Variants in STEAP1B observed in about 807,000 individuals in gnomAD.
The protein encoded by STEAP1B is STEAP family protein MGC87042.
A neutral mutation model predicts 27.9 loss-of-function variants in STEAP1B; 13 were observed. That is an observed-to-expected ratio of 0.47 (90% confidence interval 0.30 to 0.74). STEAP1B has a LOEUF of 0.74. STEAP1B is among the 30% of genes least tolerant of loss of function. STEAP1B has a pLI of 0.06. For missense variants in STEAP1B, 250 were observed against 298.7 expected (o/e 0.84, Z 1.20); for synonymous variants, 86 against 107.1 (o/e 0.80, Z 1.22).
intron 4 of STEAP1B, among the ~76,000 whole-genome samples, chr7:22,425,655 T>A (rs75445014): frequency 0.033 from 5,095 of 152,308 alleles, 287 homozygotes; most frequent in African/African-American, 0.12. Context: ...TAATAACTTT[T>A]AAAAAATCTT....
chr7:22,429,443 T>G (rs1028171021), intron 4 of STEAP1B, among the ~76,000 whole-genome samples: 1 of 152,206 alleles, frequency 6.6e-6, no homozygotes, highest in Non-Finnish European at 1.5e-5. Flanking sequence ...TTTACAGTAA[T>G]CTTCTATTAT....
chr7:22,475,954 G>C (rs1003551864), intron 4 of STEAP1B, among the ~76,000 whole-genome samples: 18 of 152,120 alleles, frequency 1.2e-4, no homozygotes, highest in African/African-American at 4.3e-4. Flanking sequence ...TCTGCCCACT[G>C]TATGTAAGCC....
intron 4 of STEAP1B, among the ~76,000 whole-genome samples, chr7:22,489,456 C>T (rs1288546060): frequency 6.6e-6 from 1 of 152,126 alleles, no homozygotes. Context: ...AGTCATAAGC[C>T]CAAGTACCTG....
At position 22,493,374 on chromosome 7, in the gene STEAP1B, C is replaced by A; in HGVS notation, c.547G>T (p.Ala183Ser). The A allele has an allele frequency of 6.2e-7, 1 of 1,614,138 alleles. No homozygotes were observed. Among genetic ancestry groups the A allele is most frequent in the South Asian group, 1.1e-5 (1 of 91,072 alleles). Reference sequence around the variant, plus strand: ...TTGTATCTGTAGGATCGCCTCATTGCGTAAGACAGAGTATAAATTGCATGC... The same window carrying A: ...TTGTATCTGTAGGATCGCCTCATTGAGTAAGACAGAGTATAAATTGCATGC... ...VLHAIYTLSYAMRRSYRYKLL... is the reference protein window; with the variant it reads ...VLHAIYTLSYSMRRSYRYKLL... The change falls in exon 3 of 5, where the codon GCA (alanine) becomes TCA (serine). Residue 183 changes from alanine to serine, a missense_variant. Transcript: ENST00000678116.
chr7:22,470,375 T>C (rs539315957), intron 4 of STEAP1B, among the ~76,000 whole-genome samples: 32 of 152,316 alleles, frequency 2.1e-4, no homozygotes, highest in Admixed American at 5.2e-4. Flanking sequence ...TGAGTCCATA[T>C]TGATATAAAT....
At chr7:22,429,290 C>A (rs1785148582) in intron 4 of STEAP1B, among the ~76,000 whole-genome samples, 1 of 152,160 alleles carries the variant, frequency 6.6e-6, no homozygotes, top group Non-Finnish European at 1.5e-5. Flanking sequence ...ACAACTACAA[C>A]AACAAAAATA....
chr7:22,426,040 A>G (rs1199187587), intron 4 of STEAP1B, among the ~76,000 whole-genome samples: 1 of 152,194 alleles, frequency 6.6e-6, no homozygotes, highest in African/African-American at 2.4e-5. Flanking sequence ...CATCTGTACC[A>G]TTAGACTCTC....
chr7:22,452,732 T>G (rs1731197800), intron 4 of STEAP1B, among the ~76,000 whole-genome samples: 1 of 152,194 alleles, frequency 6.6e-6, no homozygotes, highest in Non-Finnish European at 1.5e-5. Context: ...CATGGTTCCC[T>G]TGCAGTGATG....
At chr7:22,458,165 T>C (rs1303720832) in intron 4 of STEAP1B, among the ~76,000 whole-genome samples, 1 of 152,194 alleles carries the variant, frequency 6.6e-6, no homozygotes, top group Non-Finnish European at 1.5e-5. Flanking sequence ...ACATATCAGG[T>C]GACAACTATG....
chr7:22,454,855 A>AAAAATATAAATATATATATG (rs59162966), intron 4 of STEAP1B, among the ~76,000 whole-genome samples: 3 of 69,590 alleles, frequency 4.3e-5, no homozygotes, highest in African/African-American at 1.4e-4. Context: ...ATATGTATAT[A>AAAAATATAAATATATATATG]TATATATATA....
At chr7:22,479,789 A>G (rs1171901683) in intron 4 of STEAP1B, among the ~76,000 whole-genome samples, 3 of 146,394 alleles carry the variant, frequency 2.0e-5, no homozygotes, top group Non-Finnish European at 4.4e-5. Context: ...GATTTAAGTG[A>G]TTCTCCTGCC....
chr7:22,468,068 T>C (rs73268546), intron 4 of STEAP1B, among the ~76,000 whole-genome samples: 1,933 of 152,326 alleles, frequency 0.013, 46 homozygotes, highest in African/African-American at 0.045. Flanking sequence ...TATTTTTTTC[T>C]TATTTGAAAT....
chr7:22,438,523 T>C lies in STEAP1B; in HGVS notation c.763-18687A>G, dbSNP rs1482509257. On this transcript the variant is annotated intron_variant, in intron 4 of 4. Transcript: ENST00000678116. Reference sequence around the variant, plus strand: ...AAAGATGATCAGCAATAACTTGTCTTTTTTATTGAGATTTTCTAGATGAAG... The same window carrying C: ...AAAGATGATCAGCAATAACTTGTCTCTTTTATTGAGATTTTCTAGATGAAG... 3 of 1,551,402 alleles carry C rather than the reference T, an allele frequency of 1.9e-6. No homozygotes were observed. The Admixed American group carries it at 5.9e-5, about 30-fold the overall frequency.
chr7:22,460,609 C>T (rs1444780463), intron 4 of STEAP1B, among the ~76,000 whole-genome samples: 3 of 152,090 alleles, frequency 2.0e-5, no homozygotes, highest in Non-Finnish European at 2.9e-5. Flanking sequence ...CTCTTAAGAG[C>T]GCACAGGCAG....
chr7:22,497,892 C>A (rs1448542189), intron 1 of STEAP1B, among the ~76,000 whole-genome samples: 1 of 152,164 alleles, frequency 6.6e-6, no homozygotes, highest in East Asian at 1.9e-4. Flanking sequence ...GGTCCCCAAC[C>A]TTTTTGGCAC....
intron 1 of STEAP1B, among the ~76,000 whole-genome samples, chr7:22,497,018 T>C (rs1442972815): frequency 1.3e-5 from 2 of 152,210 alleles, no homozygotes; most frequent in Non-Finnish European, 2.9e-5. Context: ...TTTTCTGATT[T>C]AAAACATTTC....
chr7:22,438,638 G>A (rs1362557718), intron 4 of STEAP1B: 3 of 1,551,972 alleles, frequency 1.9e-6, no homozygotes, highest in African/African-American at 1.4e-5. Context: ...GAAGGTGGTG[G>A]GAAATGGATT....
intron 4 of STEAP1B, among the ~76,000 whole-genome samples, chr7:22,427,373 C>T (rs1332755012): frequency 6.6e-6 from 1 of 152,120 alleles, no homozygotes; most frequent in African/African-American, 2.4e-5. Flanking sequence ...AAAAGGACAT[C>T]CTGACTGATT....
intron 4 of STEAP1B, among the ~76,000 whole-genome samples, chr7:22,433,104 CA>C (rs1209835831): frequency 6.6e-6 from 1 of 151,722 alleles, no homozygotes; most frequent in Non-Finnish European, 1.5e-5. Flanking sequence ...AAGAGAATCC[CA>C]GAATCTAACA....
Sources: allele counts gnomAD v4.1 joint callset (sites outside exome capture counted in the v4.1 genomes callset), GRCh38; gene constraint gnomAD v4.1.1; transcripts MANE v1.5; gene names NCBI Gene and HGNC (gene_info 2026-07-23, HGNC 2026-07-21).